The following MDGA2 variants were observed in gnomAD, a reference collection of about 807,000 sequenced individuals.
MDGA2 encodes the protein MAM domain containing glycosylphosphatidylinositol anchor 2.
In MDGA2, 40 loss-of-function variants were observed where a neutral mutation model predicts 117.8. That is an observed-to-expected ratio of 0.34 (90% CI 0.26 to 0.44). MDGA2 has a LOEUF of 0.44. Ranked by LOEUF, MDGA2 falls within the 20% of genes least tolerant of loss-of-function variation. The probability of loss-of-function intolerance (pLI) is 1.00; values close to 1 mark genes in which losing one functional copy is unlikely to be tolerated. For synonymous variants in MDGA2, 452 were observed against 439.0 expected, an observed-to-expected ratio of 1.03 and a Z score of -0.37; for missense variants, 1,123 against 1,250.6, an observed-to-expected ratio of 0.90 and a Z score of 1.54.
chr14:47,361,619 G>A (rs1232762614), intron 1 of MDGA2, among the ~76,000 whole-genome samples: 1 of 152,004 alleles, frequency 6.6e-6, no homozygotes, highest in Non-Finnish European at 1.5e-5. Context: ...TTTAAAGCAT[G>A]ATTATTATCC....
intron 14 of MDGA2, among the ~76,000 whole-genome samples, chr14:46,865,364 T>A (rs916550471): frequency 6.6e-6 from 1 of 151,918 alleles, no homozygotes; most frequent in African/African-American, 2.4e-5. Flanking sequence ...AAACTCTCAA[T>A]CAATTAGGTA....
intron 1 of MDGA2, among the ~76,000 whole-genome samples, chr14:47,663,026 C>A (rs1207879301): frequency 6.6e-6 from 1 of 152,050 alleles, no homozygotes; most frequent in Non-Finnish European, 1.5e-5. Context: ...AAACATGAAC[C>A]AAATGAAAAA....
intron 5 of MDGA2, among the ~76,000 whole-genome samples, chr14:47,103,982 CAAG>C (rs752816478): frequency 4.6e-5 from 7 of 152,140 alleles, no homozygotes; most frequent in Non-Finnish European, 1.0e-4. Flanking sequence ...TACAACTTAA[CAAG>C]AAGAGAAACA....
rs577692958 is a variant in MDGA2 at position 47,405,623 on chromosome 14, C to T, written c.281-104073G>A. Among the ~76,000 whole-genome samples, 19 of 152,272 alleles carry T rather than the reference C, an allele frequency of 1.2e-4. No homozygotes were observed. In the East Asian group the frequency reaches 3.7e-3, roughly 29 times the overall value. On this transcript the variant is annotated intron_variant, in intron 1 of 16. Transcript: ENST00000399232. ...TACTTTGTCCAATTTCAGAGTCTTT[C>T]CAAATACCTTTCTTGAATTATGAAA...
In MDGA2 at chr14:47,533,683, G is replaced by A. The variant is rs376918547; in HGVS notation, c.280+140834C>T. Among the ~76,000 whole-genome samples, 120 of 152,288 alleles carry A rather than the reference G, an allele frequency of 7.9e-4. 1 individual carries two copies. Among genetic ancestry groups the A allele is most frequent in the African/African-American group, 2.8e-3 (115 of 41,566 alleles). On this transcript the variant is annotated intron_variant, in intron 1 of 16. Transcript: ENST00000399232. ...GAATAGTGACCTCATTACACTGACT[G>A]TGTCACGGTATCCTCCTATCACTCC...
intron 10 of MDGA2, among the ~76,000 whole-genome samples, chr14:46,908,552 C>T (rs951692131): frequency 2.0e-5 from 3 of 152,118 alleles, no homozygotes; most frequent in Non-Finnish European, 2.9e-5. Flanking sequence ...AGTTCTTATT[C>T]GTCAAGAGTT....
At chr14:47,152,348 G>A (rs1883194669) in intron 3 of MDGA2, among the ~76,000 whole-genome samples, 1 of 152,022 alleles carries the variant, frequency 6.6e-6, no homozygotes, top group South Asian at 2.1e-4. Flanking sequence ...AGGTGTTCAG[G>A]ACATGGTGTA....
chr14:47,255,355 G>C (rs970928819), intron 2 of MDGA2, among the ~76,000 whole-genome samples: 1 of 152,134 alleles, frequency 6.6e-6, no homozygotes, highest in Admixed American at 6.5e-5. Context: ...AGTGGTGGCA[G>C]GGGACTGACT....
At chr14:47,116,789 C>G (rs1384126362) in intron 5 of MDGA2, among the ~76,000 whole-genome samples, 1 of 151,848 alleles carries the variant, frequency 6.6e-6, no homozygotes, top group East Asian at 1.9e-4. Context: ...AAATATAAGA[C>G]ACAAAATTAT....
chr14:47,336,084 T>C (rs534945148), intron 1 of MDGA2, among the ~76,000 whole-genome samples: 17 of 151,976 alleles, frequency 1.1e-4, no homozygotes, highest in African/African-American at 3.1e-4. Flanking sequence ...GTTTTTTACC[T>C]GAATGGAGTG....
chr14:47,522,372 T>TGTGTATATATAC (rs60971088), intron 1 of MDGA2, among the ~76,000 whole-genome samples: 15,614 of 150,038 alleles, frequency 0.1, 911 homozygotes, highest in Middle Eastern at 0.15. Flanking sequence ...TGTGTATATA[T>TGTGTATATATAC]ACACACACAC....
At chr14:47,440,904 AG>A (rs1892996382) in intron 1 of MDGA2, among the ~76,000 whole-genome samples, 1 of 152,102 alleles carries the variant, frequency 6.6e-6, no homozygotes, top group Non-Finnish European at 1.5e-5. Context: ...ATTAAATTCA[AG>A]GGTACAGCTA....
chr14:46,927,630 A>T (rs1884382263), intron 9 of MDGA2, among the ~76,000 whole-genome samples: 1 of 152,214 alleles, frequency 6.6e-6, no homozygotes, highest in South Asian at 2.1e-4. Flanking sequence ...TTTTAAAATG[A>T]ATGCAAGATG....
At chr14:47,060,238 T>G (rs1889834874) in intron 7 of MDGA2, among the ~76,000 whole-genome samples, 1 of 152,112 alleles carries the variant, frequency 6.6e-6, no homozygotes, top group Non-Finnish European at 1.5e-5. Context: ...CAAAGCACAA[T>G]TGTGCAAAGT....
rs114009775 is a variant in MDGA2, at chr14:47,033,169, T to C, written c.1819+1842A>G. Among the ~76,000 whole-genome samples the C allele has an allele frequency of 4.9e-3, 754 of 152,328 alleles. 4 individuals are homozygous for C. The highest frequency in any genetic ancestry group is 0.017 in the African/African-American group (706 of 41,584). ...AAAATCTTATGCTGAATTTATTTTC[T>C]AGCGGACTAATTAAGAAGCAGGAGA... On this transcript the variant is annotated intron_variant, in intron 8 of 16. Transcript: ENST00000399232.
chr14:47,207,252 GT>G (rs1351310235), intron 3 of MDGA2, among the ~76,000 whole-genome samples: 1 of 151,896 alleles, frequency 6.6e-6, no homozygotes, highest in Non-Finnish European at 1.5e-5. Flanking sequence ...GTCGAAGGAT[GT>G]TGCTTTAGGA....
At chr14:46,876,015 T>A (rs751669913) in intron 12 of MDGA2, among the ~76,000 whole-genome samples, 3 of 151,628 alleles carry the variant, frequency 2.0e-5, no homozygotes, top group Non-Finnish European at 3.0e-5. Context: ...AAGTCTTTCA[T>A]AGTAAAATTA....
At chr14:47,131,017 T>A (rs2139149530) in intron 5 of MDGA2, among the ~76,000 whole-genome samples, 1 of 152,060 alleles carries the variant, frequency 6.6e-6, no homozygotes, top group East Asian at 1.9e-4. Context: ...TAAAGTATAA[T>A]AATATATATA....
At chr14:47,184,819 G>T (rs1249356202) in intron 3 of MDGA2, among the ~76,000 whole-genome samples, 2 of 151,628 alleles carry the variant, frequency 1.3e-5, no homozygotes, top group African/African-American at 2.4e-5. Context: ...TATATATCAT[G>T]AAGGGAACTG....
Sources: allele counts gnomAD v4.1 joint callset (sites outside exome capture counted in the v4.1 genomes callset), GRCh38; gene constraint gnomAD v4.1.1; transcripts MANE v1.5; gene names NCBI Gene and HGNC (gene_info 2026-07-23, HGNC 2026-07-21).